Variants in ARHGAP21 observed in about 807,000 individuals in gnomAD.
ARHGAP21 encodes the protein Rho GTPase activating protein 21, also known as rho GTPase-activating protein 21.
Under a neutral mutation model 164.6 loss-of-function variants are expected in ARHGAP21, and 38 were observed. The observed-to-expected ratio is 0.23, with a 90% CI of 0.18 to 0.30. The LOEUF (loss-of-function observed/expected upper bound fraction) is 0.30, where lower values mean the gene tolerates loss of function less well. Among genes scored for constraint, ARHGAP21 ranks in the 10% least tolerant of loss-of-function variants. The pLI, the probability that ARHGAP21 is intolerant of heterozygous loss-of-function variation, is 1.00. For synonymous variants in ARHGAP21, 766 were observed against 857.9 expected, an observed-to-expected ratio of 0.89 and a Z score of 1.87; for missense variants, 1,822 against 2,370.7, an observed-to-expected ratio of 0.77 and a Z score of 4.81.
At chr10:24,611,969 A>G (rs1032197876) in intron 9 of ARHGAP21, among the ~76,000 whole-genome samples, 1 of 152,106 alleles carries the variant, frequency 6.6e-6, no homozygotes, top group African/African-American at 2.4e-5. Flanking sequence ...ATAACACCCA[A>G]TGTCCACTGT....
chr10:24,602,370 G>GTGATTTA, intron 12 of ARHGAP21, among the ~76,000 whole-genome samples: 1 of 152,272 alleles, frequency 6.6e-6, no homozygotes, highest in East Asian at 1.9e-4. Context: ...TGATCCGTTT[G>GTGATTTA]TGATTTATGT....
intron 7 of ARHGAP21, among the ~76,000 whole-genome samples, chr10:24,626,244 C>G (rs775333259): frequency 3.9e-5 from 6 of 152,156 alleles, no homozygotes; most frequent in Admixed American, 2.0e-4. Context: ...CGATCTAGTT[C>G]TCCTACCACT....
At chr10:24,709,173 T>C (rs976600748) in intron 2 of ARHGAP21, among the ~76,000 whole-genome samples, 6 of 151,998 alleles carry the variant, frequency 3.9e-5, no homozygotes, top group Admixed American at 3.3e-4. Context: ...AATGGATAAA[T>C]TCCTAGAAAC....
intron 4 of ARHGAP21, among the ~76,000 whole-genome samples, chr10:24,645,860 T>C (rs778014080): frequency 2.0e-5 from 3 of 151,948 alleles, no homozygotes; most frequent in Non-Finnish European, 4.4e-5. Context: ...ACAACTGCAA[T>C]GGAGAACAAT....
intron 2 of ARHGAP21, among the ~76,000 whole-genome samples, chr10:24,684,278 C>T (rs982376004): frequency 6.6e-6 from 1 of 151,690 alleles, no homozygotes; most frequent in Admixed American, 6.6e-5. Flanking sequence ...CAGAATGACA[C>T]CCTGACTGAA....
intron 7 of ARHGAP21, 121 bp downstream of exon 7, chr10:24,629,875 C>G: frequency 1.3e-6 from 1 of 761,976 alleles, no homozygotes; most frequent in East Asian, 2.7e-5. Context: ...GTAAAAGGAA[C>G]CAGAGGGTTT....
intron 2 of ARHGAP21, among the ~76,000 whole-genome samples, chr10:24,682,938 T>C (rs1841907989): frequency 6.6e-6 from 1 of 151,618 alleles, no homozygotes; most frequent in Non-Finnish European, 1.5e-5. Context: ...CCACTAAAAA[T>C]ACAAAAAATT....
In ARHGAP21 at chr10:24,711,514, G is replaced by A. The variant is rs1440506826; in HGVS notation, c.63+10323C>T. On this transcript the variant is annotated intron_variant, in intron 2 of 25. Coordinates refer to ENST00000396432, the MANE Select transcript of ARHGAP21 (RefSeq NM_020824.4). ...TAGAAAACTCAAACCTGTTTCACATGAAGGATAATATTCACGTAACTATCT... is the reference window on the plus strand; with the variant it reads ...TAGAAAACTCAAACCTGTTTCACATAAAGGATAATATTCACGTAACTATCT... 2.0e-5 allele frequency among the ~76,000 whole-genome samples: 3 copies of A among 152,262 alleles called. No individual in the cohort carries two copies. In the East Asian group the frequency reaches 5.8e-4, roughly 29 times the overall value.
At chr10:24,683,919 CA>C (rs1842002425) in intron 2 of ARHGAP21, among the ~76,000 whole-genome samples, 1 of 152,106 alleles carries the variant, frequency 6.6e-6, no homozygotes, top group South Asian at 2.1e-4. Context: ...TAGAGAAAAA[CA>C]AATCAAAATA....
chr10:24,682,034 A>AT (rs1841812644), intron 2 of ARHGAP21, among the ~76,000 whole-genome samples: 1 of 151,948 alleles, frequency 6.6e-6, no homozygotes, highest in African/African-American at 2.4e-5. Context: ...TGCACTTCAT[A>AT]TTCTTGTTAA....
At chr10:24,629,178 G>A (rs1477638371) in intron 7 of ARHGAP21, 1 of 148,868 alleles carries the variant, frequency 6.7e-6, no homozygotes, top group Non-Finnish European at 1.5e-5. Context: ...GTATTTAGTA[G>A]AGATAGGGTA....
At position 24,607,534 on chromosome 10, in the gene ARHGAP21, A is replaced by C; in HGVS notation, c.2649T>G (p.Asp883Glu). 1 of 1,613,826 alleles carries C rather than the reference A, an allele frequency of 6.2e-7. No individual in the cohort carries two copies. Among genetic ancestry groups the C allele is most frequent in the Non-Finnish European group, 8.5e-7 (1 of 1,180,014 alleles). Residue 883 changes from aspartate to glutamate, a missense_variant, in exon 11 of 26, where the codon GAT becomes GAG. Coordinates refer to ENST00000396432, the MANE Select transcript of ARHGAP21 (RefSeq NM_020824.4). ...CTTCTCTGTAATCATCCAGACCCTC[A>C]TCATATGATTTTGATCTTTCTGTCT... ...NSKTERSKSY[D>E]EGLDDYREDA...
chr10:24,642,169 T>C (rs1339648767), intron 4 of ARHGAP21, among the ~76,000 whole-genome samples: 1 of 152,074 alleles, frequency 6.6e-6, no homozygotes, highest in Non-Finnish European at 1.5e-5. Flanking sequence ...TATCATGTCA[T>C]TCATAGGTAC....
chr10:24,620,982 C>A lies in ARHGAP21; in HGVS notation c.913G>T (p.Val305Leu), dbSNP rs781113014. The change falls in exon 9 of 26, where the codon GTG becomes TTG. Residue 305 changes from valine to leucine, a missense_variant. Physicochemically the swap from Val to Leu is conservative, Grantham distance 32. This residue lies in a region of ARHGAP21 where 1,090 missense variants were observed against 1,378.9 expected (regional missense o/e 0.79). Transcript: ENST00000396432. ...SHRTEEVRYG[V>L]SEQTSLKTVS... is the part of the protein sequence containing the mutation. ...GTTTTTAAAGAGGTCTGCTCACTCA[C>A]GCCATACCTCACTTCTTCAGTTCTA... 6.2e-7 allele frequency: 1 copy of A among 1,613,980 alleles called. No individual in the cohort carries two copies. The highest frequency in any genetic ancestry group is 8.5e-7 in the Non-Finnish European group (1 of 1,179,870).
At chr10:24,717,121 T>C (rs1206180200) in intron 2 of ARHGAP21, among the ~76,000 whole-genome samples, 4 of 152,084 alleles carry the variant, frequency 2.6e-5, no homozygotes, top group African/African-American at 9.7e-5. Context: ...TGAAACAGTA[T>C]TGGGAGAAGA....
chr10:24,684,115 C>T (rs1028196792), intron 2 of ARHGAP21, among the ~76,000 whole-genome samples: 2 of 152,006 alleles, frequency 1.3e-5, no homozygotes, highest in Non-Finnish European at 2.9e-5. Context: ...ATCAAAACAC[C>T]GTCTCTACTG....
rs568288181 is a variant in ARHGAP21, at chr10:24,641,747, G to A, written c.269-6644C>T. 1.6e-3 allele frequency among the ~76,000 whole-genome samples: 238 copies of A among 152,278 alleles called. 1 individual carries two copies. The highest frequency in any genetic ancestry group is 5.7e-3 in the African/African-American group (235 of 41,566). On this transcript the variant is annotated intron_variant, in intron 4 of 25. Transcript: ENST00000396432. Reference sequence around the variant, plus strand: ...ATGGTGGCTCACGCCTGTAATCCCAGCACTTTGGGAGGCAGAGGCGGGTGG... The same window carrying A: ...ATGGTGGCTCACGCCTGTAATCCCAACACTTTGGGAGGCAGAGGCGGGTGG...
At position 24,601,920 on chromosome 10, in the gene ARHGAP21, G is replaced by A. The variant is rs553445553; in HGVS notation, c.2847+58C>T. On this transcript the variant is annotated intron_variant, in intron 13 of 25. Transcript: ENST00000396432. ...GCCATTTTATGTATACAGGCTTTAT[G>A]GTTTATTTGTCAGGGTCTGCATTTC... 123 of 1,428,314 alleles carry A rather than the reference G, an allele frequency of 8.6e-5. 1 individual carries two copies. In the South Asian group the frequency reaches 2.0e-3, roughly 24 times the overall value. 88.5% of individuals were successfully genotyped at this position (1,428,314 alleles called of 1,614,324 possible).
chr10:24,693,947 A>T (rs950317446), intron 2 of ARHGAP21, among the ~76,000 whole-genome samples: 1 of 152,224 alleles, frequency 6.6e-6, no homozygotes, highest in Non-Finnish European at 1.5e-5. Context: ...CTTCAGGAAC[A>T]CAGACATACA....
Sources: gnomAD v4.1 joint callset for allele counts (sites outside exome capture counted in the v4.1 genomes callset) on GRCh38, gnomAD v4.1.1 for gene constraint, gnomAD v4.1.1 regional missense constraint, MANE v1.5 for transcripts, NCBI Gene and HGNC (gene_info 2026-07-23, HGNC 2026-07-21) for gene names.